The following CRADD variants were observed in gnomAD, a reference collection of about 807,000 sequenced individuals.
CRADD encodes the protein death domain-containing protein CRADD.
Under a neutral mutation model 15.5 loss-of-function variants are expected in CRADD, and 9 were observed. The ratio of observed to expected loss-of-function variants is 0.58; its 90% CI spans 0.35 to 1.01. CRADD has a LOEUF of 1.01. CRADD is among the 50% of genes least tolerant of loss of function. The pLI is 0.02. For missense variants in CRADD, 227 were observed against 250.3 expected, an observed-to-expected ratio of 0.91 and a Z score of 0.63; for synonymous variants, 118 against 107.6, an observed-to-expected ratio of 1.10 and a Z score of -0.60.
At chr12:93,731,251 C>G (rs955939167) in intron 2 of CRADD, among the ~76,000 whole-genome samples, 1 of 152,002 alleles carries the variant, frequency 6.6e-6, no homozygotes, top group Non-Finnish European at 1.5e-5. Context: ...TATACATAGA[C>G]TCCAGTTGAA....
At chr12:93,888,087 T>C (rs1958550373) in intron 2 of CRADD, among the ~76,000 whole-genome samples, 1 of 152,060 alleles carries the variant, frequency 6.6e-6, no homozygotes, top group African/African-American at 2.4e-5. Flanking sequence ...GAATGGGGTG[T>C]GTTTGGGGAA....
At chr12:93,839,577 G>A (rs1170395380) in intron 2 of CRADD, among the ~76,000 whole-genome samples, 4 of 152,120 alleles carry the variant, frequency 2.6e-5, no homozygotes, top group Non-Finnish European at 5.9e-5. Flanking sequence ...GGTGAACAAC[G>A]TTCTCTACAT....
intron 2 of CRADD, among the ~76,000 whole-genome samples, chr12:93,881,442 G>GGA (rs1491498299): frequency 6.9e-6 from 1 of 144,850 alleles, no homozygotes; most frequent in Admixed American, 6.9e-5. Flanking sequence ...AAAAGTGTGG[G>GGA]GGGGGGGTGG....
At chr12:93,815,812 G>A (rs1024534130) in intron 2 of CRADD, 5 of 152,214 alleles carry the variant, frequency 3.3e-5, no homozygotes, top group Non-Finnish European at 5.9e-5. Flanking sequence ...AGGGGAGAAT[G>A]AAACTACCAA....
chr12:93,862,189 C>G (rs1376784260), intron 2 of CRADD, among the ~76,000 whole-genome samples: 5 of 152,166 alleles, frequency 3.3e-5, no homozygotes, highest in Non-Finnish European at 7.3e-5. Flanking sequence ...AGGAACAAAG[C>G]TAGCCATCAG....
chr12:93,828,027 G>C (rs953165510), intron 2 of CRADD, among the ~76,000 whole-genome samples: 1 of 152,158 alleles, frequency 6.6e-6, no homozygotes, highest in African/African-American at 2.4e-5. Context: ...GAGTAGAGTG[G>C]TATTGCATTG....
chr12:93,850,129 C>A lies in CRADD; in HGVS notation c.458C>A (p.Pro153His). 6.2e-7 allele frequency: 1 copy of A among 1,614,100 alleles called. No individual in the cohort carries two copies. Among genetic ancestry groups the A allele is most frequent in the Non-Finnish European group, 8.5e-7 (1 of 1,179,958 alleles). The change falls in exon 3 of 3, where the codon CCC becomes CAC. Residue 153 changes from proline (P) to histidine (H), a missense_variant. Coordinates refer to ENST00000332896, the MANE Select transcript of CRADD (RefSeq NM_003805.5). This position sits in a 1 kb window ranked among gnomAD's most constrained non-coding sequence, Gnocchi z 4.0. ...TDIYRCKANH[P>H]HNVQSQVVEA... is the part of the protein sequence containing the mutation. Reference sequence around the variant, plus strand: ...ATCTACCGCTGTAAGGCCAACCACCCCCACAACGTGCAGTCGCAGGTGGTG... The same window carrying A: ...ATCTACCGCTGTAAGGCCAACCACCACCACAACGTGCAGTCGCAGGTGGTG...
At chr12:93,693,545 A>G (rs1955625388) in intron 2 of CRADD, among the ~76,000 whole-genome samples, 1 of 152,064 alleles carries the variant, frequency 6.6e-6, no homozygotes, top group African/African-American at 2.4e-5. Context: ...AAGAAGGTAT[A>G]ATAGCCATAA....
chr12:93,819,269 G>A (rs1957742715), intron 2 of CRADD, among the ~76,000 whole-genome samples: 1 of 152,228 alleles, frequency 6.6e-6, no homozygotes, highest in Admixed American at 6.5e-5. Context: ...CATACACATG[G>A]TCCAAGCCAG....
intron 2 of CRADD, among the ~76,000 whole-genome samples, chr12:93,690,562 T>C (rs950096692): frequency 6.6e-6 from 1 of 152,232 alleles, no homozygotes; most frequent in African/African-American, 2.4e-5. Context: ...AGAATTTGAA[T>C]TGGGTACTGG....
At chr12:93,782,112 G>A (rs978685884) in intron 2 of CRADD, among the ~76,000 whole-genome samples, 5 of 152,054 alleles carry the variant, frequency 3.3e-5, no homozygotes, top group Admixed American at 6.6e-5. Flanking sequence ...AACAATGATA[G>A]ACTGGATTAA....
chr12:93,764,784 A>T (rs1360596546), intron 2 of CRADD, among the ~76,000 whole-genome samples: 2 of 151,934 alleles, frequency 1.3e-5, no homozygotes, highest in African/African-American at 4.8e-5. Flanking sequence ...GAAATATATA[A>T]AAATTCATTT....
rs60226844 is a variant in CRADD, at chr12:93,804,165, A to C, written c.299-45805A>C. On this transcript the variant is annotated intron_variant, in intron 2 of 2. Transcript: ENST00000332896. Reference sequence around the variant, plus strand: ...ATACAAAACACTTAAATGAAAAAAAAAATACATACATCTGTAGAGTAGGCA... The same window carrying C: ...ATACAAAACACTTAAATGAAAAAAACAATACATACATCTGTAGAGTAGGCA... Among the ~76,000 whole-genome samples the C allele has an allele frequency of 3.2e-3, 492 of 152,272 alleles. 4 individuals are homozygous for C. The highest frequency in any genetic ancestry group is 0.011 in the African/African-American group (452 of 41,562).
chr12:93,888,907 A>G (rs12306058), intron 2 of CRADD, among the ~76,000 whole-genome samples: 23,306 of 152,192 alleles, frequency 0.15, 2,906 homozygotes, highest in African/African-American at 0.35. Flanking sequence ...CTCCTGGACC[A>G]CAGAACCCTG....
chr12:93,731,975 A>G (rs1302008625), intron 2 of CRADD, among the ~76,000 whole-genome samples: 1 of 152,092 alleles, frequency 6.6e-6, no homozygotes, highest in Admixed American at 6.5e-5. Flanking sequence ...CATCTCTACT[A>G]AAAATATAAA....
chr12:93,761,525 A>C (rs1170896910), intron 2 of CRADD, among the ~76,000 whole-genome samples: 3 of 152,144 alleles, frequency 2.0e-5, no homozygotes, highest in Non-Finnish European at 2.9e-5. Flanking sequence ...TGGAGTGGCC[A>C]TTTATAGAAT....
At chr12:93,684,497 T>C (rs952423805) in intron 2 of CRADD, among the ~76,000 whole-genome samples, 6 of 152,124 alleles carry the variant, frequency 3.9e-5, no homozygotes, top group Non-Finnish European at 7.4e-5. Context: ...GCGATCCGGT[T>C]CCTAATAGGC....
At chr12:93,830,595 C>G (rs189526534) in intron 2 of CRADD, among the ~76,000 whole-genome samples, 1 of 152,202 alleles carries the variant, frequency 6.6e-6, no homozygotes, top group Admixed American at 6.5e-5. Context: ...AAGGATAAGC[C>G]TATGTTATTT....
exon 3 of CRADD, chr12:93,894,282 C>A: frequency 2.0e-5 from 11 of 547,708 alleles, no homozygotes; most frequent in Non-Finnish European, 3.0e-5. Context: ...GGGCGGGGGG[C>A]AGGGGATTAT....
Sources: gnomAD v4.1 joint callset for allele counts (sites outside exome capture counted in the v4.1 genomes callset) on GRCh38, gnomAD v4.1.1 for gene constraint, Gnocchi (gnomAD v3.1) non-coding constraint, MANE v1.5 for transcripts, NCBI Gene and HGNC (gene_info 2026-07-23, HGNC 2026-07-21) for gene names.